The following CDH13 variants were observed in gnomAD, a reference collection of about 807,000 sequenced individuals.
CDH13 encodes the protein cadherin-13.
In CDH13, 24 loss-of-function variants were observed where a neutral mutation model predicts 63.8. The observed-to-expected ratio is 0.38, with a 90% CI of 0.27 to 0.53. CDH13 has a LOEUF of 0.53. Among genes scored for constraint, CDH13 ranks in the 20% least tolerant of loss-of-function variants. The probability of loss-of-function intolerance (pLI) is 0.85; values close to 1 mark genes in which losing one functional copy is unlikely to be tolerated. For synonymous variants in CDH13, 503 were observed against 355.3 expected (o/e 1.42, Z -4.67); for missense variants, 1,049 against 903.1 (o/e 1.16, Z -2.07).
chr16:83,124,041 T>C (rs1163045796), intron 3 of CDH13, among the ~76,000 whole-genome samples: 16 of 152,148 alleles, frequency 1.1e-4, no homozygotes, highest in Non-Finnish European at 2.9e-5. Flanking sequence ...TGCCCCACTT[T>C]CTTTTGTTTG....
intron 2 of CDH13, among the ~76,000 whole-genome samples, chr16:82,994,575 G>A (rs1280481642): frequency 6.6e-6 from 1 of 152,190 alleles, no homozygotes; most frequent in Non-Finnish European, 1.5e-5. Flanking sequence ...TTTAGAAAGA[G>A]CTGATATACT....
chr16:83,793,406 G>T (rs1916400140), intron 13 of CDH13, among the ~76,000 whole-genome samples: 1 of 152,200 alleles, frequency 6.6e-6, no homozygotes, highest in Non-Finnish European at 1.5e-5. Context: ...ACTGGAGCCA[G>T]CCCCGCAGCT....
intron 7 of CDH13, among the ~76,000 whole-genome samples, chr16:83,548,465 G>A (rs141437946): frequency 3.2e-4 from 48 of 152,290 alleles, no homozygotes; most frequent in African/African-American, 6.5e-4. Flanking sequence ...TGTCCGTAGC[G>A]CAGTGGTTGA....
intron 2 of CDH13, among the ~76,000 whole-genome samples, chr16:82,918,337 A>G (rs1228898125): frequency 6.6e-6 from 1 of 152,194 alleles, no homozygotes; most frequent in Non-Finnish European, 1.5e-5. Context: ...AATGGTGATT[A>G]GAATCTCTGC....
chr16:82,712,171 C>T (rs752418882), intron 1 of CDH13, among the ~76,000 whole-genome samples: 6 of 152,276 alleles, frequency 3.9e-5, no homozygotes, highest in African/African-American at 9.6e-5. Flanking sequence ...ACAGACTTAA[C>T]GCCATTATCT....
intron 6 of CDH13, among the ~76,000 whole-genome samples, chr16:83,399,155 T>G (rs911078892): frequency 6.6e-6 from 1 of 152,226 alleles, no homozygotes; most frequent in Non-Finnish European, 1.5e-5. Flanking sequence ...GAACAGTTAA[T>G]TCTGGACTCA....
chr16:83,616,738 G>T (rs1021408865), intron 8 of CDH13, among the ~76,000 whole-genome samples: 1 of 152,094 alleles, frequency 6.6e-6, no homozygotes. Context: ...AAGATGAAAC[G>T]TCCAGGTCCA....
intron 3 of CDH13, among the ~76,000 whole-genome samples, chr16:83,119,758 T>A (rs779263568): frequency 1.3e-5 from 2 of 152,138 alleles, no homozygotes; most frequent in Non-Finnish European, 2.9e-5. Context: ...GTCAGTCAAA[T>A]CATGTATGAT....
chr16:83,148,735 G>GT (rs1443293769), intron 4 of CDH13, among the ~76,000 whole-genome samples: 2 of 152,126 alleles, frequency 1.3e-5, no homozygotes, highest in African/African-American at 2.4e-5. Flanking sequence ...TTAGCAGGCA[G>GT]GTGTGAATGG....
intron 5 of CDH13, among the ~76,000 whole-genome samples, chr16:83,300,217 C>G (rs75135117): frequency 1.9e-3 from 286 of 152,202 alleles, no homozygotes; most frequent in Non-Finnish European, 2.8e-3. Context: ...CAGCAACTGA[C>G]CAGAAAAGGT....
intron 1 of CDH13, among the ~76,000 whole-genome samples, chr16:82,683,206 G>A (rs927708384): frequency 6.6e-6 from 1 of 152,116 alleles, no homozygotes; most frequent in Non-Finnish European, 1.5e-5. Flanking sequence ...GTCTCAGCCC[G>A]GGGTCTTGTT....
chr16:82,932,284 G>T (rs1295373109), intron 2 of CDH13, among the ~76,000 whole-genome samples: 2 of 152,142 alleles, frequency 1.3e-5, no homozygotes, highest in Admixed American at 6.5e-5. Context: ...TTCAAATGTA[G>T]CTGGGCACCT....
chr16:83,752,659 C>A (rs1412218317), intron 11 of CDH13, among the ~76,000 whole-genome samples: 1 of 152,214 alleles, frequency 6.6e-6, no homozygotes, highest in Admixed American at 6.5e-5. Flanking sequence ...GTTTTCTCAA[C>A]ATTCAGCATA....
intron 3 of CDH13, among the ~76,000 whole-genome samples, chr16:83,042,137 T>G (rs1468071914): frequency 2.6e-5 from 4 of 152,258 alleles, no homozygotes; most frequent in East Asian, 1.9e-4. Flanking sequence ...CATGTGACTT[T>G]ACTTTATTTC....
At chr16:82,898,919 C>A (rs1019675122) in intron 2 of CDH13, among the ~76,000 whole-genome samples, 1 of 152,224 alleles carries the variant, frequency 6.6e-6, no homozygotes, top group Non-Finnish European at 1.5e-5. Context: ...TAACTTCACT[C>A]AGTATGTAGA....
Position 82,727,727 on chromosome 16 carries a change from G to A in CDH13, c.45+100590G>A, listed in dbSNP as rs532258304. 2.6e-5 allele frequency: 4 copies of A among 152,278 alleles called. No homozygotes were observed. In the East Asian group the frequency reaches 7.7e-4, roughly 29 times the overall value. The allele number at this position is 152,278 out of a possible 1,614,324, so 9.4% of individuals were successfully genotyped here. A position where few individuals can be genotyped will look rare whatever the true frequency, so the allele number is the denominator to read the frequency against. Reference sequence around the variant, plus strand: ...AAAGAAATCACATTACCAGTAGCTGGCTTAGTTCTGCATGTTACTATGTGA... The same window carrying A: ...AAAGAAATCACATTACCAGTAGCTGACTTAGTTCTGCATGTTACTATGTGA... On this transcript the variant is annotated intron_variant, in intron 1 of 13. Coordinates refer to ENST00000567109, the MANE Select transcript of CDH13 (RefSeq NM_001257.5).
intron 6 of CDH13, among the ~76,000 whole-genome samples, chr16:83,356,253 T>TGTGC (rs2151380573): frequency 8.0e-6 from 1 of 125,684 alleles, no homozygotes; most frequent in East Asian, 2.0e-4. Flanking sequence ...TGTGTGTGTG[T>TGTGC]GTGTGTGTGT....
In CDH13 at chr16:83,047,735, A is replaced by G. The variant is rs921660182; in HGVS notation, c.366+15517A>G. Among the ~76,000 whole-genome samples, 3 of 152,244 alleles carry G rather than the reference A, an allele frequency of 2.0e-5. No homozygotes were observed. Among genetic ancestry groups the G allele is most frequent in the Admixed American group, 2.0e-4 (3 of 15,284 alleles). On this transcript the variant is annotated intron_variant, in intron 3 of 13. Transcript: ENST00000567109. This position sits in a 1 kb window ranked among gnomAD's most constrained non-coding sequence, Gnocchi z 4.9. Reference sequence around the variant, plus strand: ...TTAGCAAATGCTGGAGACAGAATGAATATTGATATTAATAATGCAGATCGT... The same window carrying G: ...TTAGCAAATGCTGGAGACAGAATGAGTATTGATATTAATAATGCAGATCGT...
At chr16:83,335,202 C>T (rs572460375) in intron 5 of CDH13, among the ~76,000 whole-genome samples, 1 of 152,116 alleles carries the variant, frequency 6.6e-6, no homozygotes, top group Admixed American at 6.5e-5. Context: ...CTTTGAACAT[C>T]TCTGTGGTTC....
Sources: allele counts gnomAD v4.1 joint callset (sites outside exome capture counted in the v4.1 genomes callset), GRCh38; gene constraint gnomAD v4.1.1; non-coding constraint Gnocchi (gnomAD v3.1); transcripts MANE v1.5; gene names NCBI Gene and HGNC (gene_info 2026-07-23, HGNC 2026-07-21).